Variants in TUSC3 observed in about 807,000 individuals in gnomAD.
TUSC3 encodes the protein dolichyl-diphosphooligosaccharide--protein glycosyltransferase subunit TUSC3.
A neutral mutation model predicts 44.8 loss-of-function variants in TUSC3; 45 were observed. That is an observed-to-expected ratio of 1.00 (90% CI 0.79 to 1.29). The LOEUF (loss-of-function observed/expected upper bound fraction) is 1.29, where lower values mean the gene tolerates loss of function less well. Among genes scored for constraint, TUSC3 ranks in the 50% most tolerant of loss-of-function variants. The pLI is 0.00. For missense variants in TUSC3, 519 were observed against 437.9 expected (o/e 1.19, Z -1.65); for synonymous variants, 212 against 152.9 (o/e 1.39, Z -2.85).
At chr8:15,491,710 G>C (rs1011388457) in intron 2 of TUSC3, among the ~76,000 whole-genome samples, 2 of 152,112 alleles carry the variant, frequency 1.3e-5, no homozygotes, top group Non-Finnish European at 2.9e-5. Context: ...AGCACCATCT[G>C]GGAACCTTGT....
chr8:15,846,316 A>C, the TUSC3 span, among the ~76,000 whole-genome samples: 14 of 152,188 alleles, frequency 9.2e-5, no homozygotes, highest in African/African-American at 2.7e-4. Flanking sequence ...TGCCTCACTT[A>C]AGAATGGTAA....
intron 6 of TUSC3, among the ~76,000 whole-genome samples, chr8:15,677,361 G>A (rs1808236400): frequency 6.6e-6 from 1 of 152,144 alleles, no homozygotes; most frequent in African/African-American, 2.4e-5. Flanking sequence ...CATTTTATAT[G>A]CTTACAAAGA....
chr8:15,834,418 G>A, the TUSC3 span, among the ~76,000 whole-genome samples: 2 of 152,060 alleles, frequency 1.3e-5, no homozygotes, highest in Non-Finnish European at 2.9e-5. Context: ...GGATACCTTT[G>A]TTCTCTTTCT....
intron 1 of TUSC3, among the ~76,000 whole-genome samples, chr8:15,612,038 G>C (rs999775611): frequency 2.6e-5 from 4 of 152,116 alleles, no homozygotes; most frequent in African/African-American, 9.7e-5. Context: ...AAAAATATAA[G>C]AAGAACAGAA....
chr8:15,838,806 G>C, the TUSC3 span, among the ~76,000 whole-genome samples: 1 of 152,098 alleles, frequency 6.6e-6, no homozygotes, highest in Non-Finnish European at 1.5e-5. Context: ...CTCCAGCTTT[G>C]TTCTTTTGGC....
intron 6 of TUSC3, chr8:15,688,998 C>A: frequency 3.9e-6 from 1 of 253,424 alleles, no homozygotes. Flanking sequence ...CTTGGGGTTA[C>A]AGTCAAACAA....
intron 1 of TUSC3, among the ~76,000 whole-genome samples, chr8:15,568,949 C>G (rs1019160873): frequency 6.6e-6 from 1 of 151,896 alleles, no homozygotes; most frequent in Non-Finnish European, 1.5e-5. Context: ...TGGTTGACTA[C>G]TTTCTTTAGT....
chr8:15,726,883 A>G lies in TUSC3; in HGVS notation c.799-3783A>G, dbSNP rs76950056. ...ACATTTATATTAATGGTTTCTCAAA[A>G]TATTTGTTCCTTTGGAAGAATTGAT... is the stretch of plus-strand genomic sequence containing the variant. On this transcript the variant is annotated intron_variant, in intron 6 of 10. Coordinates refer to ENST00000503731, the MANE Select transcript of TUSC3 (RefSeq NM_006765.4). Among the ~76,000 whole-genome samples the G allele has an allele frequency of 5.2e-3, 791 of 152,280 alleles. 7 individuals carry two copies. Among genetic ancestry groups the G allele is most frequent in the African/African-American group, 0.018 (752 of 41,570 alleles).
chr8:15,488,181 A>G (rs897463888), intron 2 of TUSC3, among the ~76,000 whole-genome samples: 4 of 151,988 alleles, frequency 2.6e-5, no homozygotes, highest in Admixed American at 2.0e-4. Context: ...CTTCTTCACT[A>G]TCCACTTTGA....
At chr8:15,775,351 G>A in the TUSC3 span, among the ~76,000 whole-genome samples, 1 of 151,942 alleles carries the variant, frequency 6.6e-6, no homozygotes, top group African/African-American at 2.4e-5. Flanking sequence ...GTTATTTTAG[G>A]GGTGATGAAA....
the TUSC3 span, among the ~76,000 whole-genome samples, chr8:15,799,690 C>A: frequency 6.6e-6 from 1 of 152,298 alleles, no homozygotes; most frequent in East Asian, 1.9e-4. Context: ...AGTCCTCATT[C>A]TTTCTCTTCT....
At chr8:15,554,176 T>C (rs961781377) in intron 1 of TUSC3, among the ~76,000 whole-genome samples, 1 of 151,698 alleles carries the variant, frequency 6.6e-6, no homozygotes, top group Non-Finnish European at 1.5e-5. Context: ...CCACCTTCCT[T>C]GTATCATCAC....
intron 6 of TUSC3, among the ~76,000 whole-genome samples, chr8:15,696,025 G>C (rs1275809397): frequency 1.3e-5 from 2 of 152,198 alleles, no homozygotes; most frequent in Non-Finnish European, 2.9e-5. Context: ...TTTCTGAGGA[G>C]AAATTCAAGC....
At chr8:15,735,148 T>C (rs766952774) in intron 7 of TUSC3, among the ~76,000 whole-genome samples, 2 of 151,934 alleles carry the variant, frequency 1.3e-5, no homozygotes, top group African/African-American at 2.4e-5. Context: ...TGTAATAATA[T>C]TAAGGATAGG....
At chr8:15,434,584 G>A (rs919038535) in intron 1 of TUSC3, among the ~76,000 whole-genome samples, 2 of 147,518 alleles carry the variant, frequency 1.4e-5, no homozygotes, top group Admixed American at 1.4e-4. Context: ...ACAACATGGT[G>A]GTTTGTTACA....
intron 7 of TUSC3, among the ~76,000 whole-genome samples, chr8:15,731,628 C>T (rs1326854122): frequency 6.6e-6 from 1 of 152,114 alleles, no homozygotes; most frequent in African/African-American, 2.4e-5. Context: ...TTGTCTTTTT[C>T]ATGGTCTATC....
intron 1 of TUSC3, among the ~76,000 whole-genome samples, chr8:15,448,196 G>GAGTT (rs1437194167): frequency 6.7e-6 from 1 of 149,918 alleles, no homozygotes; most frequent in Non-Finnish European, 1.5e-5. Flanking sequence ...TCAGCTCACT[G>GAGTT]CAACCTCTGC....
At chr8:15,741,502 A>G (rs922445778) in intron 7 of TUSC3, among the ~76,000 whole-genome samples, 16 of 152,180 alleles carry the variant, frequency 1.1e-4, no homozygotes, top group Non-Finnish European at 1.9e-4. Context: ...TGAGGCCAGC[A>G]TGGCGAAACC....
chr8:15,815,865 G>C, the TUSC3 span, among the ~76,000 whole-genome samples: 3 of 152,124 alleles, frequency 2.0e-5, no homozygotes, highest in African/African-American at 4.8e-5. Context: ...ATTGTTTCCA[G>C]GGAAAATTCC....
Sources: allele counts gnomAD v4.1 joint callset (sites outside exome capture counted in the v4.1 genomes callset), GRCh38; gene constraint gnomAD v4.1.1; transcripts MANE v1.5; gene names NCBI Gene and HGNC (gene_info 2026-07-23, HGNC 2026-07-21).